IL1RAPL2: variants seen among roughly 807,000 people sequenced by gnomAD.
IL1RAPL2 encodes the protein interleukin 1 receptor accessory protein like 2.
Under a neutral mutation model 44.1 loss-of-function variants are expected in IL1RAPL2, and 3 were observed. The ratio of observed to expected loss-of-function variants is 0.07; its 90% CI spans 0.03 to 0.18. IL1RAPL2 has a LOEUF of 0.18. IL1RAPL2 is among the 10% of genes least tolerant of loss of function. The probability of loss-of-function intolerance (pLI) is 1.00; values close to 1 mark genes in which losing one functional copy is unlikely to be tolerated. For synonymous variants in IL1RAPL2, 181 were observed against 178.8 expected (o/e 1.01, Z -0.10); for missense variants, 391 against 496.4 (o/e 0.79, Z 2.02).
intron 1 of IL1RAPL2, among the ~76,000 whole-genome samples, chrX:104,574,105 T>C (rs1232164575): frequency 1.8e-5 from 2 of 111,572 alleles, no homozygotes; most frequent in African/African-American, 3.2e-5. Flanking sequence ...AGAAGGTTTT[T>C]CTAATTATGA....
At chrX:104,676,919 C>T (rs1002508293) in intron 2 of IL1RAPL2, among the ~76,000 whole-genome samples, 26 of 112,009 alleles carry the variant, frequency 2.3e-4, no homozygotes, top group Non-Finnish European at 1.9e-4. Context: ...GCATTCTTCA[C>T]GTAGTTCTCG....
chrX:104,635,462 T>C (rs1333538045), intron 1 of IL1RAPL2, among the ~76,000 whole-genome samples: 1 of 111,932 alleles, frequency 8.9e-6, no homozygotes, highest in East Asian at 2.8e-4. Flanking sequence ...CCATTCTCCC[T>C]GTCACTTTCA....
At chrX:105,706,663 G>T (rs967545336) in intron 6 of IL1RAPL2, among the ~76,000 whole-genome samples, 1 of 111,197 alleles carries the variant, frequency 9.0e-6, no homozygotes, top group African/African-American at 3.3e-5. Context: ...AGCCCTGGAG[G>T]ATACAAGAGA....
intron 6 of IL1RAPL2, among the ~76,000 whole-genome samples, chrX:105,520,935 T>C (rs1427672514): frequency 5.3e-4 from 41 of 77,702 alleles, no homozygotes; most frequent in African/African-American, 1.8e-3. Flanking sequence ...TTTTTTTTTT[T>C]TTTTTTTTTT....
At chrX:104,674,544 T>G (rs1213807172) in intron 2 of IL1RAPL2, among the ~76,000 whole-genome samples, 1 of 111,967 alleles carries the variant, frequency 8.9e-6, no homozygotes, top group Non-Finnish European at 1.9e-5. Flanking sequence ...TCAAGGATAT[T>G]GGTCTAAAAT....
chrX:105,717,543 C>T (rs1337935366), intron 7 of IL1RAPL2, 47 bp downstream of exon 7: 1 of 1,125,980 alleles, frequency 8.9e-7, no homozygotes, highest in Middle Eastern at 2.6e-4. Flanking sequence ...TTACGGGATT[C>T]TGCTCAGGAT....
intron 2 of IL1RAPL2, among the ~76,000 whole-genome samples, chrX:105,180,973 T>G (rs1475989499): frequency 9.0e-6 from 1 of 111,308 alleles, no homozygotes; most frequent in Non-Finnish European, 1.9e-5. Flanking sequence ...GGGGTTTTCT[T>G]TTTTGGGAAA....
intron 2 of IL1RAPL2, among the ~76,000 whole-genome samples, chrX:104,660,149 C>T (rs892646347): frequency 9.0e-6 from 1 of 111,391 alleles, no homozygotes; most frequent in African/African-American, 3.3e-5. Context: ...TGTTGTGACT[C>T]TCTTTCAGCT....
At chrX:104,861,362 T>C (rs1490759359) in intron 2 of IL1RAPL2, among the ~76,000 whole-genome samples, 1 of 111,613 alleles carries the variant, frequency 9.0e-6, no homozygotes, top group Non-Finnish European at 1.9e-5. Flanking sequence ...AATATGTAAA[T>C]AAAATACATT....
chrX:105,448,189 G>A (rs1035412824), intron 5 of IL1RAPL2, among the ~76,000 whole-genome samples: 11 of 107,973 alleles, frequency 1.0e-4, no homozygotes, highest in Non-Finnish European at 2.1e-4. Context: ...ACTTTTGGGA[G>A]TTTAATTATT....
intron 1 of IL1RAPL2, among the ~76,000 whole-genome samples, chrX:104,570,040 C>T (rs910640570): frequency 8.9e-6 from 1 of 112,135 alleles, no homozygotes; most frequent in Non-Finnish European, 1.9e-5. Context: ...AGTACCATAA[C>T]CTCCTTTGTG....
At chrX:105,737,536 C>A (rs2038460410) in intron 7 of IL1RAPL2, among the ~76,000 whole-genome samples, 1 of 110,776 alleles carries the variant, frequency 9.0e-6, no homozygotes, top group Non-Finnish European at 1.9e-5. Flanking sequence ...TTTTCAAATC[C>A]TCTCTCCAGA....
chrX:105,286,620 A>T (rs760788676), intron 5 of IL1RAPL2, among the ~76,000 whole-genome samples: 10 of 109,621 alleles, frequency 9.1e-5, no homozygotes, highest in East Asian at 2.9e-4. Flanking sequence ...TTTTTTTTTT[A>T]AAAAAACAAC....
At chrX:105,175,985 AATAAT>A (rs1313030126) in intron 2 of IL1RAPL2, among the ~76,000 whole-genome samples, 1 of 111,165 alleles carries the variant, frequency 9.0e-6, no homozygotes, top group Non-Finnish European at 1.9e-5. Flanking sequence ...GAAATTATTA[AATAAT>A]ATAATAATAA....
intron 2 of IL1RAPL2, among the ~76,000 whole-genome samples, chrX:105,096,383 T>C (rs2147557500): frequency 8.9e-6 from 1 of 112,129 alleles, no homozygotes; most frequent in South Asian, 3.7e-4. Context: ...TACAAACACT[T>C]CTACATAAAT....
chrX:105,730,590 T>G (rs1012746520), intron 7 of IL1RAPL2, among the ~76,000 whole-genome samples: 4 of 111,188 alleles, frequency 3.6e-5, no homozygotes, highest in Non-Finnish European at 7.6e-5. Context: ...ATCAACATTC[T>G]CAAGAATAGA....
intron 6 of IL1RAPL2, among the ~76,000 whole-genome samples, chrX:105,564,400 T>C (rs754314438): frequency 5.4e-5 from 6 of 111,827 alleles, no homozygotes; most frequent in Non-Finnish European, 1.1e-4. Context: ...TTATAACTGC[T>C]ACTGTCTTTG....
At chrX:105,735,632 T>G (rs1244735412) in intron 7 of IL1RAPL2, among the ~76,000 whole-genome samples, 1 of 111,614 alleles carries the variant, frequency 9.0e-6, no homozygotes, top group Non-Finnish European at 1.9e-5. Flanking sequence ...TTGGATAACT[T>G]AGTCAACAGA....
intron 2 of IL1RAPL2, among the ~76,000 whole-genome samples, chrX:104,662,763 T>C (rs1930425288): frequency 8.9e-6 from 1 of 112,074 alleles, no homozygotes; most frequent in Non-Finnish European, 1.9e-5. Flanking sequence ...TTTTGGCTTT[T>C]GCTGCTGCTG....
Sources: allele counts gnomAD v4.1 joint callset (sites outside exome capture counted in the v4.1 genomes callset), GRCh38; gene constraint gnomAD v4.1.1; transcripts MANE v1.5; gene names NCBI Gene and HGNC (gene_info 2026-07-23, HGNC 2026-07-21).